COMMD1: variants seen among roughly 807,000 people sequenced by gnomAD.
The protein encoded by COMMD1 is COMM domain-containing protein 1.
COMMD1 carries 10 observed loss-of-function variants against 17.2 expected under a neutral mutation model. The observed-to-expected ratio is 0.58, with a 90% CI of 0.36 to 0.99. The LOEUF (loss-of-function observed/expected upper bound fraction) is 0.99, where lower values mean the gene tolerates loss of function less well. COMMD1 is among the 50% of genes least tolerant of loss of function. COMMD1 has a pLI of 0.01. For missense variants in COMMD1, 270 were observed against 231.8 expected, an observed-to-expected ratio of 1.17 and a Z score of -1.07; for synonymous variants, 97 against 91.6, an observed-to-expected ratio of 1.06 and a Z score of -0.34.
intron 1 of COMMD1, among the ~76,000 whole-genome samples, chr2:61,978,989 G>A (rs1242373008): frequency 6.6e-6 from 1 of 152,078 alleles, no homozygotes; most frequent in Admixed American, 6.6e-5. Flanking sequence ...TTTAGTTACT[G>A]TAAAATATAC....
At chr2:62,028,981 T>C (rs1669843015) in intron 2 of COMMD1, among the ~76,000 whole-genome samples, 1 of 152,098 alleles carries the variant, frequency 6.6e-6, no homozygotes, top group African/African-American at 2.4e-5. Flanking sequence ...CATCAATTTA[T>C]GAGATAGGTA....
chr2:61,939,489 G>T (rs1670685967), intron 1 of COMMD1, among the ~76,000 whole-genome samples: 1 of 151,048 alleles, frequency 6.6e-6, no homozygotes, highest in Non-Finnish European at 1.5e-5. Flanking sequence ...AAAAAAAAAA[G>T]AATTGATTGG....
chr2:61,970,180 C>T (rs1671610030), intron 1 of COMMD1, among the ~76,000 whole-genome samples: 1 of 151,514 alleles, frequency 6.6e-6, no homozygotes, highest in South Asian at 2.1e-4. Context: ...ATCGCTTGAA[C>T]CTGGGAGGTG....
intron 1 of COMMD1, among the ~76,000 whole-genome samples, chr2:61,939,176 G>A (rs1670673881): frequency 6.6e-6 from 1 of 151,942 alleles, no homozygotes; most frequent in African/African-American, 2.4e-5. Context: ...TGGCTTGGCC[G>A]GGCGCGGTGG....
At chr2:62,135,396 G>A (rs1299738222) in intron 2 of COMMD1, among the ~76,000 whole-genome samples, 1 of 151,572 alleles carries the variant, frequency 6.6e-6, no homozygotes, top group Admixed American at 6.6e-5. Context: ...TCTCCCCCAG[G>A]CTGGAGTGCA....
chr2:61,987,216 C>T (rs1020735252), intron 1 of COMMD1, among the ~76,000 whole-genome samples: 24 of 152,084 alleles, frequency 1.6e-4, no homozygotes, highest in East Asian at 9.6e-4. Flanking sequence ...TGGGAGCTCA[C>T]GTTTTCCTGG....
intron 1 of COMMD1, among the ~76,000 whole-genome samples, chr2:61,896,819 C>CTTTTTTTT (rs112184843): frequency 6.6e-5 from 9 of 137,190 alleles, no homozygotes; most frequent in East Asian, 2.1e-4. Flanking sequence ...TTTTCCTTTT[C>CTTTTTTTT]TTTTTTTTTT....
intron 1 of COMMD1, chr2:61,969,055 C>T (rs1414395081): frequency 2.3e-6 from 1 of 442,950 alleles, no homozygotes; most frequent in Non-Finnish European, 4.6e-6. Flanking sequence ...AACTCCTGGG[C>T]TCAAGTGATT....
chr2:62,066,691 G>A (rs1016504553), intron 2 of COMMD1, among the ~76,000 whole-genome samples: 4 of 149,638 alleles, frequency 2.7e-5, no homozygotes, highest in Non-Finnish European at 5.9e-5. Context: ...GTGAGCCACC[G>A]CGCCTGGCCT....
intron 2 of COMMD1, among the ~76,000 whole-genome samples, chr2:62,073,225 A>G (rs2103964215): frequency 6.6e-6 from 1 of 152,372 alleles, no homozygotes; most frequent in Middle Eastern, 3.4e-3. Context: ...TTGCATTTGT[A>G]GAGAATCTCT....
intron 2 of COMMD1, among the ~76,000 whole-genome samples, chr2:62,056,735 C>G (rs912698753): frequency 6.6e-6 from 1 of 152,192 alleles, no homozygotes; most frequent in Admixed American, 6.6e-5. Flanking sequence ...TACTTTCCAA[C>G]CACAAAAGAC....
chr2:62,109,677 A>G (rs1393974931), intron 2 of COMMD1, among the ~76,000 whole-genome samples: 1 of 152,130 alleles, frequency 6.6e-6, no homozygotes, highest in Non-Finnish European at 1.5e-5. Context: ...TTGTAATTTT[A>G]TACGTCTGGG....
At chr2:61,983,663 G>C (rs923024339) in intron 1 of COMMD1, among the ~76,000 whole-genome samples, 1 of 152,048 alleles carries the variant, frequency 6.6e-6, no homozygotes, top group Non-Finnish European at 1.5e-5. Flanking sequence ...TAATCCTTCA[G>C]TTTCTGCGGT....
At position 61,989,626 on chromosome 2, in the gene COMMD1, A is replaced by AT. The variant is rs553086679; in HGVS notation, c.181-11069dup. ...AGGCATGTGCCACCATGCCTGGCTA[A>AT]TTTTTTGTGTGTTTTTTTAATAGAG... On this transcript the variant is annotated intron_variant, in intron 1 of 2. Transcript: ENST00000311832. 2.6e-3 allele frequency among the ~76,000 whole-genome samples: 397 copies of AT among 151,776 alleles called. 3 individuals carry two copies. The highest frequency in any genetic ancestry group is 8.5e-3 in the African/African-American group (352 of 41,354).
intron 2 of COMMD1, among the ~76,000 whole-genome samples, chr2:62,079,521 G>A (rs929806012): frequency 1.3e-5 from 2 of 152,146 alleles, no homozygotes; most frequent in Non-Finnish European, 2.9e-5. Context: ...CTAGATGCTG[G>A]GAAGGCAGCC....
chr2:62,004,255 A>G (rs970406937), intron 2 of COMMD1, among the ~76,000 whole-genome samples: 4 of 152,228 alleles, frequency 2.6e-5, no homozygotes, highest in Admixed American at 2.0e-4. Flanking sequence ...TAGTAAAGAA[A>G]TAGTCACAAT....
At chr2:62,035,743 TAAAAAAAA>T (rs763075178) in intron 2 of COMMD1, among the ~76,000 whole-genome samples, 1 of 95,004 alleles carries the variant, frequency 1.1e-5, no homozygotes, top group African/African-American at 4.1e-5. Flanking sequence ...CTGTCTCAAT[TAAAAAAAA>T]AAAAAAAAAA....
intron 2 of COMMD1, among the ~76,000 whole-genome samples, chr2:62,036,065 C>T (rs928105379): frequency 6.6e-6 from 1 of 151,598 alleles, no homozygotes; most frequent in Non-Finnish European, 1.5e-5. Flanking sequence ...CACACACACA[C>T]ACACACACAC....
intron 1 of COMMD1, among the ~76,000 whole-genome samples, chr2:61,986,492 T>A (rs1316188889): frequency 6.6e-6 from 1 of 151,710 alleles, no homozygotes; most frequent in African/African-American, 2.4e-5. Flanking sequence ...CTGTTTACCT[T>A]ATCTTTAAGG....
Sources: allele counts gnomAD v4.1 joint callset (sites outside exome capture counted in the v4.1 genomes callset), GRCh38; gene constraint gnomAD v4.1.1; transcripts MANE v1.5; gene names NCBI Gene and HGNC (gene_info 2026-07-23, HGNC 2026-07-21).